FRMD6: variants seen among roughly 807,000 people sequenced by gnomAD.
FRMD6 encodes FERM domain-containing protein 6.
Under a neutral mutation model 73.2 loss-of-function variants are expected in FRMD6, and 37 were observed. The observed-to-expected ratio is 0.51, with a 90% confidence interval of 0.39 to 0.66. The LOEUF (loss-of-function observed/expected upper bound fraction) is 0.66, where lower values mean the gene tolerates loss of function less well. FRMD6 is among the 30% of genes least tolerant of loss of function. FRMD6 has a pLI of 0.00. For missense variants in FRMD6, 714 were observed against 780.5 expected, an observed-to-expected ratio of 0.91 and a Z score of 1.02; for synonymous variants, 273 against 282.2, an observed-to-expected ratio of 0.97 and a Z score of 0.33.
At chr14:51,437,504 G>A in the FRMD6 span, among the ~76,000 whole-genome samples, 23 of 152,110 alleles carry the variant, frequency 1.5e-4, no homozygotes, top group Non-Finnish European at 3.2e-4. Context: ...GGATTTCACC[G>A]TGTTAGCCAG....
intron 2 of FRMD6, among the ~76,000 whole-genome samples, chr14:51,610,316 C>CT (rs1175212159): frequency 7.7e-6 from 1 of 129,952 alleles, no homozygotes; most frequent in African/African-American, 3.0e-5. Flanking sequence ...CCATCCTATT[C>CT]TTTTTTTAAT....
At chr14:51,563,053 G>A (rs535656926) in intron 1 of FRMD6, among the ~76,000 whole-genome samples, 1 of 152,222 alleles carries the variant, frequency 6.6e-6, no homozygotes, top group Non-Finnish European at 1.5e-5. Flanking sequence ...TGTAGGCAGA[G>A]AGCACAGTAG....
At chr14:51,427,329 T>C in the FRMD6 span, among the ~76,000 whole-genome samples, 1 of 152,344 alleles carries the variant, frequency 6.6e-6, no homozygotes, top group East Asian at 1.9e-4. Context: ...ATTTGGCATA[T>C]GCCAGCCACT....
intron 2 of FRMD6, among the ~76,000 whole-genome samples, chr14:51,602,105 G>C (rs1284516385): frequency 6.6e-6 from 1 of 152,184 alleles, no homozygotes; most frequent in Non-Finnish European, 1.5e-5. Flanking sequence ...AGGGAGAGTT[G>C]ATCCCCACTA....
the FRMD6 span, among the ~76,000 whole-genome samples, chr14:51,462,077 A>G: frequency 6.6e-6 from 1 of 152,190 alleles, no homozygotes; most frequent in Non-Finnish European, 1.5e-5. Context: ...GGAAGCAAGG[A>G]AAGAAGGAAG....
rs1437520776 is a variant in FRMD6 at position 51,727,876 on chromosome 14, A to G, written c.1716A>G (p.Gly572=). ...ACACTGCTCAGAGTTACACCTTTGG[A>G]TGTGGCCATGAACTGGATGAGGAAG... ...CQDTAQSYTF[G]CGHELDEEGL... The change falls in exon 14 of 14, where the codon GGA becomes GGG. Residue 572 remains glycine (G), a synonymous_variant. Coordinates refer to ENST00000344768, the MANE Select transcript of FRMD6 (RefSeq NM_001267046.2). The G allele has an allele frequency of 8.7e-6, 14 of 1,614,056 alleles. No individual in the cohort carries two copies. In the East Asian group the frequency reaches 3.1e-4, roughly 36 times the overall value.
the FRMD6 span, among the ~76,000 whole-genome samples, chr14:51,448,571 A>G: frequency 8.5e-5 from 13 of 152,206 alleles, no homozygotes; most frequent in Non-Finnish European, 1.9e-4. Flanking sequence ...ATATGCTGAA[A>G]TATAAGTTAG....
chr14:51,688,327 A>C (rs563542065), intron 1 of FRMD6, among the ~76,000 whole-genome samples: 92 of 152,302 alleles, frequency 6.0e-4, no homozygotes, highest in African/African-American at 2.1e-3. Context: ...CTAATAATGA[A>C]GTACCGTATA....
At chr14:51,430,624 A>G in the FRMD6 span, among the ~76,000 whole-genome samples, 1 of 150,370 alleles carries the variant, frequency 6.7e-6, no homozygotes, top group Non-Finnish European at 1.5e-5. Context: ...AAAAAACAAC[A>G]AAAAAAACCC....
the FRMD6 span, among the ~76,000 whole-genome samples, chr14:51,461,960 A>G: frequency 3.9e-5 from 6 of 152,162 alleles, no homozygotes; most frequent in Non-Finnish European, 7.4e-5. Flanking sequence ...CACTCAATAA[A>G]TGTTAGCTGT....
At chr14:51,697,798 A>G (rs1896045310) in intron 2 of FRMD6, among the ~76,000 whole-genome samples, 1 of 152,154 alleles carries the variant, frequency 6.6e-6, no homozygotes, top group Admixed American at 6.6e-5. Context: ...TTTAAAAAAG[A>G]TACTTGCCAA....
chr14:51,489,556 C>T (rs1882875943), intron 1 of FRMD6: 1 of 152,206 alleles, frequency 6.6e-6, no homozygotes, highest in Non-Finnish European at 1.5e-5. Flanking sequence ...GCAAACCAGC[C>T]CAAACTGCTG....
intron 2 of FRMD6, among the ~76,000 whole-genome samples, chr14:51,645,547 A>T (rs567397682): frequency 6.6e-6 from 1 of 152,134 alleles, no homozygotes; most frequent in Admixed American, 6.6e-5. Flanking sequence ...CTCCACCTCA[A>T]GTGAACCTCC....
At chr14:51,674,888 C>A (rs1309881453) in intron 1 of FRMD6, among the ~76,000 whole-genome samples, 2 of 152,078 alleles carry the variant, frequency 1.3e-5, no homozygotes, top group African/African-American at 2.4e-5. Context: ...GTTACTCATT[C>A]CTGGATTTTG....
At chr14:51,512,295 A>G (rs2140260106) in intron 1 of FRMD6, among the ~76,000 whole-genome samples, 1 of 152,316 alleles carries the variant, frequency 6.6e-6, no homozygotes, top group South Asian at 2.1e-4. Flanking sequence ...AACCAAAGAA[A>G]AATTATCATA....
chr14:51,404,067 A>T, the FRMD6 span, among the ~76,000 whole-genome samples: 1 of 152,346 alleles, frequency 6.6e-6, no homozygotes, highest in East Asian at 1.9e-4. Context: ...CATGTTATAC[A>T]TGTCATCACT....
intron 2 of FRMD6, among the ~76,000 whole-genome samples, chr14:51,583,009 C>T (rs1054707698): frequency 6.6e-6 from 1 of 152,128 alleles, no homozygotes; most frequent in East Asian, 1.9e-4. Context: ...CAATAACTGC[C>T]TCAACATGGT....
At chr14:51,490,394 AGAGAGAGAGACAGAATAT>A (rs1882923611) in intron 1 of FRMD6, among the ~76,000 whole-genome samples, 1 of 152,012 alleles carries the variant, frequency 6.6e-6, no homozygotes, top group African/African-American at 2.4e-5. Context: ...TTTATGACAG[AGAGAGAGAGACAGAATAT>A]GAGGGAGGGA....
chr14:51,428,976 CAGAGGGGAGAGAGAGGGTGGGAGAG>C, the FRMD6 span, among the ~76,000 whole-genome samples: 4 of 54,992 alleles, frequency 7.3e-5, no homozygotes, highest in East Asian at 4.7e-4. Flanking sequence ...GGGTGAGAGA[CAGAGGGGAGAGAGAGGGTGGGAGAG>C]AGAGGGGAGA....
Sources: allele counts gnomAD v4.1 joint callset (sites outside exome capture counted in the v4.1 genomes callset), GRCh38; gene constraint gnomAD v4.1.1; transcripts MANE v1.5; gene names NCBI Gene and HGNC (gene_info 2026-07-23, HGNC 2026-07-21).